Variants in SPX observed in about 807,000 individuals in gnomAD.
The protein encoded by SPX is spexin.
In SPX, 22 loss-of-function variants were observed where a neutral mutation model predicts 19.2. The observed-to-expected ratio is 1.15, with a 90% CI of 0.82 to 1.64. The LOEUF (loss-of-function observed/expected upper bound fraction) is 1.64, where lower values mean the gene tolerates loss of function less well. Ranked by LOEUF, SPX falls within the 40% of genes most tolerant of loss-of-function variation. SPX has a pLI of 0.00. For missense variants in SPX, 143 were observed against 137.7 expected, an observed-to-expected ratio of 1.04 and a Z score of -0.19; for synonymous variants, 50 against 53.3, an observed-to-expected ratio of 0.94 and a Z score of 0.27.
chr12:21,529,139 C>T (rs1360505663), intron 5 of SPX, 55 bp downstream of exon 5: 9 of 1,551,318 alleles, frequency 5.8e-6, no homozygotes, highest in Non-Finnish European at 8.0e-6. Context: ...TGCTTACTTT[C>T]GGGATTCTGT....
chr12:21,527,724 C>A lies in SPX; in HGVS notation c.146-3C>A. On this transcript the variant is annotated splice_region_variant and splice_polypyrimidine_tract_variant and intron_variant, in intron 3 of 5. Transcript: ENST00000256969. ...CGCTGAGCCCCAGGTCTCGTTTTTG[C>A]AGAGGGTCGCCGCTTCATCTCCGAC... The A allele has an allele frequency of 6.4e-7, 1 of 1,562,474 alleles. No homozygotes were observed. Among genetic ancestry groups the A allele is most frequent in the Non-Finnish European group, 8.7e-7 (1 of 1,152,596 alleles).
At chr12:21,526,537 C>A in intron 1 of SPX, 59 bp downstream of exon 1, 2 of 1,476,260 alleles carry the variant, frequency 1.4e-6, no homozygotes, top group Non-Finnish European at 1.9e-6. Context: ...CGTTTTATAG[C>A]ATTTTACCTA....
Sources: gnomAD v4.1 joint callset for allele counts on GRCh38, gnomAD v4.1.1 for gene constraint, MANE v1.5 for transcripts, NCBI Gene and HGNC (gene_info 2026-07-23, HGNC 2026-07-21) for gene names.